NCKAP5: variants seen among roughly 807,000 people sequenced by gnomAD.
The protein encoded by NCKAP5 is NCK associated protein 5, also known as nck-associated protein 5.
Under a neutral mutation model 167.0 loss-of-function variants are expected in NCKAP5, and 92 were observed. The observed-to-expected ratio is 0.55, with a 90% confidence interval of 0.47 to 0.66. The LOEUF (loss-of-function observed/expected upper bound fraction) is 0.66, where lower values mean the gene tolerates loss of function less well. Ranked by LOEUF, NCKAP5 falls within the 30% of genes least tolerant of loss-of-function variation. NCKAP5 has a pLI of 0.00. For missense variants in NCKAP5, 2,378 were observed against 2,315.0 expected, an observed-to-expected ratio of 1.03 and a Z score of -0.56; for synonymous variants, 891 against 877.4, an observed-to-expected ratio of 1.02 and a Z score of -0.27.
intron 5 of NCKAP5, among the ~76,000 whole-genome samples, chr2:133,190,170 CA>C (rs2150074467): frequency 6.6e-6 from 1 of 152,228 alleles, no homozygotes; most frequent in African/African-American, 2.4e-5. Context: ...AACTCCCATT[CA>C]CAATTGCTTC....
chr2:133,325,688 G>A (rs1369022388), intron 3 of NCKAP5, among the ~76,000 whole-genome samples: 1 of 152,178 alleles, frequency 6.6e-6, no homozygotes, highest in African/African-American at 2.4e-5. Context: ...CCAGGGTAGA[G>A]TTTGTGACCT....
At chr2:133,337,187 G>GAGT (rs1216212462) in intron 3 of NCKAP5, among the ~76,000 whole-genome samples, 1 of 152,100 alleles carries the variant, frequency 6.6e-6, no homozygotes, top group Non-Finnish European at 1.5e-5. Context: ...CATAGTACAT[G>GAGT]GACTCACACT....
chr2:132,939,172 A>T (rs1054312120), intron 8 of NCKAP5, among the ~76,000 whole-genome samples: 2 of 152,178 alleles, frequency 1.3e-5, no homozygotes, highest in African/African-American at 4.8e-5. Flanking sequence ...TTAACTTTTG[A>T]TCTCAAGTCT....
At chr2:132,780,946 C>G in intron 15 of NCKAP5, 106 bp downstream of exon 15, 1 of 1,119,132 alleles carries the variant, frequency 8.9e-7, no homozygotes, top group Non-Finnish European at 1.2e-6. Context: ...TTCTTTCCCC[C>G]AGTTGCAATC....
At chr2:133,183,932 T>C (rs2084837378) in intron 5 of NCKAP5, among the ~76,000 whole-genome samples, 1 of 152,164 alleles carries the variant, frequency 6.6e-6, no homozygotes. Context: ...TCAGCAAGTA[T>C]GTGCAAAACA....
chr2:132,948,879 A>G (rs908517438), intron 8 of NCKAP5, among the ~76,000 whole-genome samples: 1 of 152,158 alleles, frequency 6.6e-6, no homozygotes, highest in Non-Finnish European at 1.5e-5. Flanking sequence ...AGATTAATAC[A>G]TGGTGTTTGG....
intron 4 of NCKAP5, among the ~76,000 whole-genome samples, chr2:133,295,627 G>T (rs1381330434): frequency 6.6e-6 from 1 of 152,118 alleles, no homozygotes; most frequent in Non-Finnish European, 1.5e-5. Flanking sequence ...TTGTCCCTTA[G>T]GGAATCCTTG....
intron 3 of NCKAP5, among the ~76,000 whole-genome samples, chr2:133,385,136 G>A (rs1460341179): frequency 3.3e-5 from 5 of 152,116 alleles, no homozygotes; most frequent in Non-Finnish European, 5.9e-5. Context: ...GTTTTCAAAG[G>A]GAATCCTTCC....
chr2:133,594,393 T>C, the NCKAP5 span, among the ~76,000 whole-genome samples: 2 of 152,174 alleles, frequency 1.3e-5, no homozygotes, highest in Non-Finnish European at 2.9e-5. Context: ...CTCCCTGACA[T>C]GCCACCATGA....
intron 4 of NCKAP5, among the ~76,000 whole-genome samples, chr2:133,215,667 C>T (rs2086395785): frequency 6.6e-6 from 1 of 152,150 alleles, no homozygotes; most frequent in South Asian, 2.1e-4. Flanking sequence ...TTAATCACAA[C>T]AATGTATGGA....
chr2:133,622,954 C>T, the NCKAP5 span, among the ~76,000 whole-genome samples: 1 of 151,208 alleles, frequency 6.6e-6, no homozygotes, highest in Non-Finnish European at 1.5e-5. Context: ...AAAATAGGCA[C>T]ATAGACCAAT....
chr2:133,513,499 AAG>A (rs1358534816), intron 3 of NCKAP5, among the ~76,000 whole-genome samples: 1 of 152,228 alleles, frequency 6.6e-6, no homozygotes, highest in Non-Finnish European at 1.5e-5. Context: ...GAGAAGGAAA[AAG>A]AGTGGATCTG....
At chr2:133,197,836 G>A (rs2085506692) in intron 5 of NCKAP5, among the ~76,000 whole-genome samples, 1 of 152,078 alleles carries the variant, frequency 6.6e-6, no homozygotes, top group Non-Finnish European at 1.5e-5. Flanking sequence ...TATAGTCCCA[G>A]ATACTCAGGA....
At chr2:132,965,333 A>AT (rs920686844) in intron 7 of NCKAP5, among the ~76,000 whole-genome samples, 1 of 152,128 alleles carries the variant, frequency 6.6e-6, no homozygotes, top group Admixed American at 6.6e-5. Context: ...TATAGCTTTG[A>AT]TTTTTTAGGG....
chr2:133,147,888 A>G (rs927368003), intron 5 of NCKAP5, among the ~76,000 whole-genome samples: 3 of 152,090 alleles, frequency 2.0e-5, no homozygotes, highest in African/African-American at 7.2e-5. Context: ...ATTTTATGTT[A>G]TAAAACATAC....
chr2:133,021,527 T>G (rs1423281885), intron 6 of NCKAP5, among the ~76,000 whole-genome samples: 1 of 152,282 alleles, frequency 6.6e-6, no homozygotes, highest in African/African-American at 2.4e-5. Context: ...TGCATACACA[T>G]CTACTCACAT....
the NCKAP5 span, among the ~76,000 whole-genome samples, chr2:133,661,076 C>G: frequency 3.3e-5 from 5 of 152,082 alleles, no homozygotes; most frequent in South Asian, 1.0e-3. Flanking sequence ...CAGTGTTTAC[C>G]CAGACTGTTC....
chr2:133,222,857 T>C (rs1308924037), intron 4 of NCKAP5, among the ~76,000 whole-genome samples: 1 of 152,238 alleles, frequency 6.6e-6, no homozygotes, highest in East Asian at 1.9e-4. Flanking sequence ...TAATCCTATT[T>C]GTTAGAACTT....
intron 3 of NCKAP5, among the ~76,000 whole-genome samples, chr2:133,465,712 G>A (rs2151254508): frequency 6.6e-6 from 1 of 152,222 alleles, no homozygotes; most frequent in East Asian, 1.9e-4. Context: ...TAACTGGTGT[G>A]AGATGGTACC....
Sources: allele counts gnomAD v4.1 joint callset (sites outside exome capture counted in the v4.1 genomes callset), GRCh38; gene constraint gnomAD v4.1.1; transcripts MANE v1.5; gene names NCBI Gene and HGNC (gene_info 2026-07-23, HGNC 2026-07-21).